MGAT4D: variants seen among roughly 807,000 people sequenced by gnomAD.
MGAT4D encodes the protein MGAT4 family member D, also known as alpha-1,3-mannosyl-glycoprotein 4-beta-N-acetylglucosaminyltransferase-like protein MGAT4D.
In MGAT4D, 34 loss-of-function variants were observed where a neutral mutation model predicts 15.9. That is an observed-to-expected ratio of 2.14 (90% CI 1.62 to 2.84). The LOEUF (loss-of-function observed/expected upper bound fraction) is 2.84. Ranked by LOEUF, MGAT4D falls within the 30% of genes most tolerant of loss-of-function variation. MGAT4D has a pLI of 0.00. For missense variants in MGAT4D, 327 were observed against 140.2 expected, an observed-to-expected ratio of 2.33 and a Z score of -6.73; for synonymous variants, 112 against 48.2, an observed-to-expected ratio of 2.33 and a Z score of -5.49.
intron 1 of MGAT4D, among the ~76,000 whole-genome samples, chr4:140,490,866 T>C (rs1432950763): frequency 2.0e-5 from 3 of 152,268 alleles, no homozygotes; most frequent in Non-Finnish European, 2.9e-5. Context: ...AGTTGAATTT[T>C]GTCATATATC....
chr4:140,488,322 A>G (rs1242924135), intron 1 of MGAT4D, among the ~76,000 whole-genome samples: 1 of 152,158 alleles, frequency 6.6e-6, no homozygotes, highest in African/African-American at 2.4e-5. Context: ...GCCATGTGCT[A>G]TGTATGTGGT....
chr4:140,495,560 A>G (rs1733782424), intron 1 of MGAT4D, among the ~76,000 whole-genome samples: 1 of 152,178 alleles, frequency 6.6e-6, no homozygotes, highest in Non-Finnish European at 1.5e-5. Context: ...AGTTTTCCAC[A>G]TGCTGGGACA....
intron 10 of MGAT4D, among the ~76,000 whole-genome samples, chr4:140,447,968 A>C (rs768536224): frequency 3.3e-5 from 5 of 152,170 alleles, no homozygotes; most frequent in Non-Finnish European, 7.4e-5. Flanking sequence ...TAGGAAGCTT[A>C]GTTTGGCTGG....
intron 1 of MGAT4D, among the ~76,000 whole-genome samples, chr4:140,491,930 C>T (rs1462975363): frequency 6.6e-6 from 1 of 152,124 alleles, no homozygotes; most frequent in East Asian, 1.9e-4. Flanking sequence ...ACTGTTTCTC[C>T]AAAGATAGCC....
At chr4:140,486,681 G>T (rs560960279) in intron 1 of MGAT4D, among the ~76,000 whole-genome samples, 7 of 152,154 alleles carry the variant, frequency 4.6e-5, no homozygotes, top group Non-Finnish European at 7.4e-5. Flanking sequence ...CTGAAACAGC[G>T]ATTTGCATAT....
intron 8 of MGAT4D, 157 bp downstream of exon 8, chr4:140,459,355 T>C: frequency 3.1e-6 from 1 of 321,270 alleles, no homozygotes; most frequent in Non-Finnish European, 5.7e-6. Flanking sequence ...GGAATTTAGG[T>C]ACTTGCATCT....
intron 1 of MGAT4D, among the ~76,000 whole-genome samples, chr4:140,495,335 C>A (rs1254369665): frequency 1.3e-5 from 2 of 152,232 alleles, no homozygotes; most frequent in Non-Finnish European, 2.9e-5. Context: ...CCTAACCCTG[C>A]CAACACCTGA....
chr4:140,486,721 T>C (rs1261392655), intron 1 of MGAT4D, among the ~76,000 whole-genome samples: 1 of 152,216 alleles, frequency 6.6e-6, no homozygotes, highest in Non-Finnish European at 1.5e-5. Flanking sequence ...GCTCGATGAA[T>C]AAATAATGAA....
intron 7 of MGAT4D, among the ~76,000 whole-genome samples, chr4:140,461,005 A>G (rs544161683): frequency 5.8e-4 from 88 of 152,338 alleles, no homozygotes; most frequent in Non-Finnish European, 8.4e-4. Context: ...TGGTTAGAAT[A>G]ATGGTGTAAG....
chr4:140,486,016 T>A (rs1022915189), intron 1 of MGAT4D, among the ~76,000 whole-genome samples: 1 of 151,690 alleles, frequency 6.6e-6, no homozygotes, highest in Non-Finnish European at 1.5e-5. Flanking sequence ...ATAACCAAAG[T>A]CCTTACCATG....
chr4:140,468,120 T>A (rs985754287), intron 5 of MGAT4D, among the ~76,000 whole-genome samples: 12 of 144,336 alleles, frequency 8.3e-5, no homozygotes, highest in African/African-American at 5.1e-5. Context: ...TAGTGAATAT[T>A]CACTATTATA....
At chr4:140,465,219 T>G (rs1731454467) in intron 5 of MGAT4D, among the ~76,000 whole-genome samples, 1 of 152,216 alleles carries the variant, frequency 6.6e-6, no homozygotes, top group African/African-American at 2.4e-5. Context: ...AATATAAAAT[T>G]AGTTTCTTCT....
At chr4:140,444,669 G>A (rs2126652939) in intron 10 of MGAT4D, among the ~76,000 whole-genome samples, 1 of 152,048 alleles carries the variant, frequency 6.6e-6, no homozygotes, top group South Asian at 2.1e-4. Context: ...GTGAATAGAG[G>A]AACATATGTG....
chr4:140,447,449 T>G (rs1730204727), intron 10 of MGAT4D, among the ~76,000 whole-genome samples: 1 of 152,154 alleles, frequency 6.6e-6, no homozygotes, highest in African/African-American at 2.4e-5. Context: ...AACCCCTTAC[T>G]ATTATGTAAT....
At chr4:140,448,301 A>C (rs1204319577) in intron 10 of MGAT4D, among the ~76,000 whole-genome samples, 1 of 152,112 alleles carries the variant, frequency 6.6e-6, no homozygotes, top group African/African-American at 2.4e-5. Flanking sequence ...AAATTTTCCA[A>C]GTTGTTGGCT....
chr4:140,484,965 A>G (rs1733002885), intron 1 of MGAT4D, among the ~76,000 whole-genome samples: 2 of 152,226 alleles, frequency 1.3e-5, no homozygotes, highest in Non-Finnish European at 2.9e-5. Context: ...ACTGTAAACT[A>G]GTTCAACCAT....
chr4:140,491,623 C>T (rs1398447664), intron 1 of MGAT4D, among the ~76,000 whole-genome samples: 1 of 151,782 alleles, frequency 6.6e-6, no homozygotes. Flanking sequence ...GGTCATCTGC[C>T]AGGCAGAAGA....
chr4:140,446,847 A>G (rs1379757577), intron 10 of MGAT4D, among the ~76,000 whole-genome samples: 2 of 136,558 alleles, frequency 1.5e-5, no homozygotes, highest in East Asian at 2.3e-4. Flanking sequence ...ATATAGTGTT[A>G]TAAATTTCCC....
chr4:140,474,151 A>G (rs1732160856), intron 4 of MGAT4D, among the ~76,000 whole-genome samples: 1 of 152,190 alleles, frequency 6.6e-6, no homozygotes, highest in Non-Finnish European at 1.5e-5. Context: ...ATATTCACAC[A>G]GTACTATATA....
Sources: allele counts gnomAD v4.1 joint callset (sites outside exome capture counted in the v4.1 genomes callset), GRCh38; gene constraint gnomAD v4.1.1; transcripts MANE v1.5; gene names NCBI Gene and HGNC (gene_info 2026-07-23, HGNC 2026-07-21).